CCDC138: variants seen among roughly 807,000 people sequenced by gnomAD.
The protein encoded by CCDC138 is coiled-coil domain-containing protein 138.
A neutral mutation model predicts 82.3 loss-of-function variants in CCDC138; 66 were observed. The observed-to-expected ratio is 0.80, with a 90% CI of 0.66 to 0.98. CCDC138 has a LOEUF of 0.98. Among genes scored for constraint, CCDC138 ranks in the 50% least tolerant of loss-of-function variants. The probability of loss-of-function intolerance (pLI) is 0.00; values close to 1 mark genes in which losing one functional copy is unlikely to be tolerated. For synonymous variants in CCDC138, 297 were observed against 265.4 expected, an observed-to-expected ratio of 1.12 and a Z score of -1.16; for missense variants, 816 against 758.9, an observed-to-expected ratio of 1.08 and a Z score of -0.88.
chr2:108,839,185 CT>C lies in CCDC138; in HGVS notation c.1211del (p.Leu404CysfsTer3). The C allele has an allele frequency of 6.2e-7, 1 of 1,600,720 alleles. No homozygotes were observed. ...RNDIQEKCVKLLPLMTEQLQW... is the reference protein window; with the variant it reads ...RNDIQEKCVKXLPLMTEQLQW... ...TTATTTTCCATCATTTTATCTTTAG[CT>C]TTTGCCTCTAATGACAGAGCAGCTA... is the stretch of plus-strand genomic sequence containing the variant. On this transcript the variant is annotated frameshift_variant and splice_region_variant, in exon 11 of 15. Transcript: ENST00000295124. LOFTEE classifies it high-confidence loss of function.
intron 4 of CCDC138, among the ~76,000 whole-genome samples, chr2:108,792,260 C>T (rs1470466253): frequency 6.6e-6 from 1 of 152,150 alleles, no homozygotes; most frequent in East Asian, 1.9e-4. Flanking sequence ...GTTGATAATA[C>T]TGGTGCTGGT....
At chr2:108,830,722 C>G (rs12472088) in intron 10 of CCDC138, among the ~76,000 whole-genome samples, 3 of 151,790 alleles carry the variant, frequency 2.0e-5, no homozygotes, top group Non-Finnish European at 4.4e-5. Flanking sequence ...GCAAGAGAGT[C>G]GCTTGAACCC....
intron 12 of CCDC138, among the ~76,000 whole-genome samples, chr2:108,852,724 G>GTT (rs1691718043): frequency 6.6e-6 from 1 of 152,060 alleles, no homozygotes; most frequent in Non-Finnish European, 1.5e-5. Context: ...ATACATAAGG[G>GTT]GAACAACACA....
rs141038087 is a variant in CCDC138, at chr2:108,844,378, A to G, written c.1324-2360A>G. Among the ~76,000 whole-genome samples the G allele has an allele frequency of 7.5e-4, 113 of 151,286 alleles. 1 individual carries two copies. The highest frequency in any genetic ancestry group is 2.6e-3 in the African/African-American group (106 of 41,406). ...TTATTGAGACTGTTATTGTATTTCC[A>G]GTTCTGAAATATTCACTTGGTTCTT... On this transcript the variant is annotated intron_variant, in intron 11 of 14. Transcript: ENST00000295124.
chr2:108,836,269 T>C (rs1688567157), intron 10 of CCDC138, among the ~76,000 whole-genome samples: 1 of 152,242 alleles, frequency 6.6e-6, no homozygotes, highest in Admixed American at 6.5e-5. Context: ...TTTGCCTTTT[T>C]GTGACTGGCT....
At chr2:108,804,750 A>G (rs1458396483) in intron 6 of CCDC138, 139 bp from the exon 7 acceptor site, 5 of 611,544 alleles carry the variant, frequency 8.2e-6, no homozygotes, top group Non-Finnish European at 1.3e-5. Flanking sequence ...TTGCCACACT[A>G]GTCACTTGTG....
chr2:108,798,010 C>A (rs140232219), intron 5 of CCDC138, among the ~76,000 whole-genome samples: 1 of 148,822 alleles, frequency 6.7e-6, no homozygotes, highest in Non-Finnish European at 1.5e-5. Context: ...TAGCATGGGA[C>A]CAGGGAAGGT....
At chr2:108,848,136 T>C (rs1690801222) in intron 12 of CCDC138, among the ~76,000 whole-genome samples, 1 of 152,204 alleles carries the variant, frequency 6.6e-6, no homozygotes, top group Admixed American at 6.5e-5. Flanking sequence ...CAATTTAATA[T>C]AAGAAAAATT....
chr2:108,848,449 A>C (rs555143770), intron 12 of CCDC138, among the ~76,000 whole-genome samples: 2 of 152,338 alleles, frequency 1.3e-5, no homozygotes, highest in South Asian at 2.1e-4. Context: ...ATAACAGGGC[A>C]TAAGAATATG....
At position 108,876,301 on chromosome 2, in the gene CCDC138, T is replaced by A; in HGVS notation, c.*48T>A. 9.4e-7 allele frequency: 1 copy of A among 1,064,554 alleles called. No homozygotes were observed. The highest frequency in any genetic ancestry group is 1.3e-6 in the Non-Finnish European group (1 of 756,738). 65.9% of individuals were successfully genotyped at this position (1,064,554 alleles called of 1,614,324 possible). ...TATATGTGGTGCTTATTTATAAACA[T>A]GTAGAAATTACCAAAGTAACTACAA... On this transcript the variant is annotated 3_prime_UTR_variant, in exon 15 of 15. Transcript: ENST00000295124.
intron 10 of CCDC138, among the ~76,000 whole-genome samples, chr2:108,831,083 C>A (rs569215493): frequency 6.6e-6 from 1 of 151,722 alleles, no homozygotes; most frequent in South Asian, 2.1e-4. Flanking sequence ...GCTGAGGCAC[C>A]AGAATCGCTT....
intron 13 of CCDC138, among the ~76,000 whole-genome samples, chr2:108,864,094 G>C (rs1694044518): frequency 6.6e-6 from 1 of 151,928 alleles, no homozygotes; most frequent in African/African-American, 2.4e-5. Flanking sequence ...ACACTAGTGA[G>C]CCCTTCTTGG....
intron 11 of CCDC138, 45 bp from the exon 12 acceptor site, chr2:108,846,693 T>G (rs778813243): frequency 2.6e-6 from 4 of 1,526,776 alleles, no homozygotes; most frequent in Non-Finnish European, 3.6e-6. Context: ...AAAGATATAT[T>G]CTGAACATGA....
At chr2:108,831,502 G>A (rs190491139) in intron 10 of CCDC138, among the ~76,000 whole-genome samples, 1 of 152,282 alleles carries the variant, frequency 6.6e-6, no homozygotes, top group East Asian at 1.9e-4. Context: ...TATAAATGAA[G>A]TGAAATTTTT....
In CCDC138 at chr2:108,803,612, G is replaced by T. The variant is rs568326772; in HGVS notation, c.736-1277G>T. Among the ~76,000 whole-genome samples, 49 of 152,236 alleles carry T rather than the reference G, an allele frequency of 3.2e-4. 1 individual carries two copies. The South Asian group carries it at 5.0e-3, about 15-fold the overall frequency. Reference sequence around the variant, plus strand: ...GCACCACTGTGCCCAGCTAGTGGAAGTTTTTGTTCTACTTCTCCATGTCTG... The same window carrying T: ...GCACCACTGTGCCCAGCTAGTGGAATTTTTTGTTCTACTTCTCCATGTCTG... On this transcript the variant is annotated intron_variant, in intron 6 of 14. Transcript: ENST00000295124.
intron 10 of CCDC138, among the ~76,000 whole-genome samples, chr2:108,820,723 C>T (rs892584516): frequency 1.6e-4 from 8 of 48,582 alleles, no homozygotes; most frequent in Non-Finnish European, 3.3e-4. Context: ...AAACAAACAA[C>T]AAAACTGTTA....
downstream of CCDC138, among the ~76,000 whole-genome samples, chr2:108,877,511 G>A (rs1162080154): frequency 6.6e-6 from 1 of 151,862 alleles, no homozygotes; most frequent in Non-Finnish European, 1.5e-5. Flanking sequence ...AGAAGCCAAA[G>A]TGCACATTAG....
In CCDC138 at chr2:108,839,360, T is replaced by A. The variant is rs115274732; in HGVS notation, c.1323+59T>A. The A allele has an allele frequency of 3.5e-3, 4,934 of 1,390,300 alleles. 137 individuals carry two copies. The African/African-American group carries it at 0.064, about 18-fold the overall frequency. 86.1% of individuals were successfully genotyped at this position (1,390,300 alleles called of 1,614,324 possible). ...TACTCCACCTAATATTACTTCTTGA[T>A]CTTGTTTCACAATATCTGTTTTGAA... On this transcript the variant is annotated intron_variant, in intron 11 of 14. Coordinates refer to ENST00000295124, the MANE Select transcript of CCDC138 (RefSeq NM_144978.3).
chr2:108,853,479 A>C (rs1229665224), intron 12 of CCDC138, among the ~76,000 whole-genome samples: 1 of 151,920 alleles, frequency 6.6e-6, no homozygotes, highest in African/African-American at 2.4e-5. Flanking sequence ...TGTTAAAAGA[A>C]GTTGTAGGAA....
Sources: gnomAD v4.1 joint callset for allele counts (sites outside exome capture counted in the v4.1 genomes callset) on GRCh38, gnomAD v4.1.1 for gene constraint, MANE v1.5 for transcripts, NCBI Gene and HGNC (gene_info 2026-07-23, HGNC 2026-07-21) for gene names.